The following FGF13 variants were observed in gnomAD, a reference collection of about 807,000 sequenced individuals.
FGF13 encodes fibroblast growth factor homologous factor 2.
FGF13 carries 2 observed loss-of-function variants against 19.5 expected under a neutral mutation model. The observed-to-expected ratio is 0.10, with a 90% CI of 0.04 to 0.32. The LOEUF (loss-of-function observed/expected upper bound fraction) is 0.32. Ranked by LOEUF, FGF13 falls within the 10% of genes least tolerant of loss-of-function variation. The pLI, the probability that FGF13 is intolerant of heterozygous loss-of-function variation, is 1.00. For synonymous variants in FGF13, 72 were observed against 76.9 expected (o/e 0.94, Z 0.33); for missense variants, 113 against 192.7 (o/e 0.59, Z 2.45).
At chrX:138,691,191 A>G (rs943949801) in intron 3 of FGF13, among the ~76,000 whole-genome samples, 3 of 111,731 alleles carry the variant, frequency 2.7e-5, no homozygotes, top group African/African-American at 6.5e-5. Context: ...CATAGGCTCT[A>G]TCTTCCTCAG....
intron 1 of FGF13, among the ~76,000 whole-genome samples, chrX:138,987,481 TTTAA>T (rs2091998892): frequency 1.8e-5 from 2 of 112,087 alleles, no homozygotes; most frequent in South Asian, 7.4e-4. Flanking sequence ...CTTAAATTCA[TTTAA>T]TTAAATTTTA....
intron 1 of FGF13, among the ~76,000 whole-genome samples, chrX:139,121,405 G>A (rs1429274799): frequency 9.1e-6 from 1 of 110,396 alleles, no homozygotes; most frequent in Non-Finnish European, 1.9e-5. Flanking sequence ...ATGTTTAATG[G>A]TACCAAATAT....
chrX:139,069,564 G>A (rs1440217260), intron 1 of FGF13, among the ~76,000 whole-genome samples: 1 of 103,212 alleles, frequency 9.7e-6, no homozygotes, highest in Non-Finnish European at 2.0e-5. Context: ...GTATACATAG[G>A]TAACTAACCT....
intron 1 of FGF13, among the ~76,000 whole-genome samples, chrX:138,873,164 G>C (rs753247967): frequency 3.6e-5 from 4 of 111,369 alleles, no homozygotes; most frequent in African/African-American, 9.8e-5. Context: ...AGCTTTGCTG[G>C]CCAATTTGGC....
intron 3 of FGF13, among the ~76,000 whole-genome samples, chrX:138,752,379 T>C (rs907557181): frequency 9.0e-6 from 1 of 110,770 alleles, no homozygotes; most frequent in African/African-American, 3.3e-5. Flanking sequence ...TGAGCCAAGA[T>C]TGTGCCACTG....
intron 1 of FGF13, among the ~76,000 whole-genome samples, chrX:139,179,155 A>T (rs1477153323): frequency 8.9e-6 from 1 of 111,799 alleles, no homozygotes; most frequent in Non-Finnish European, 1.9e-5. Context: ...ACTGCCTATT[A>T]CTTTTAATGG....
rs1370724894 is a variant in FGF13, at chrX:138,711,627, C to T, written c.-624G>A. 6 of 753,626 alleles carry T rather than the reference C, an allele frequency of 8.0e-6. No individual in the cohort carries two copies. The highest frequency in any genetic ancestry group is 2.3e-5 in the African/African-American group (1 of 43,609). 62.1% of individuals were successfully genotyped at this position (753,626 alleles called of 1,213,427 possible). A position where few individuals can be genotyped will look rare whatever the true frequency, so the allele number is the denominator to read the frequency against. ...CGACAGGGATCAAACAGGTAATGGCCTCGCATCTTCGCTGTTGCTGCTGCT... is the reference window on the plus strand; with the variant it reads ...CGACAGGGATCAAACAGGTAATGGCTTCGCATCTTCGCTGTTGCTGCTGCT... On this transcript the variant is annotated 5_prime_UTR_variant, in exon 1 of 5. Transcript: ENST00000315930.
Position 138,626,981 on chromosome X carries a change from C to T in FGF13, c.*5869G>A, listed in dbSNP as rs1392004670. On this transcript the variant is annotated 3_prime_UTR_variant, in exon 5 of 5. Transcript: ENST00000315930. ...AAGAAAATAACACTTGGATGGTAAT[C>T]ATCCAGTTTGTCCCAGGGTATTAGT... 8.9e-6 allele frequency: 1 copy of T among 111,844 alleles called. No individual in the cohort carries two copies. Among genetic ancestry groups the T allele is most frequent in the Non-Finnish European group, 1.9e-5 (1 of 53,183 alleles). The allele number at this position is 111,844 out of a possible 1,213,427, so 9.2% of individuals were successfully genotyped here.
chrX:139,198,397 G>A, intron 1 of FGF13, among the ~76,000 whole-genome samples: 1 of 111,266 alleles, frequency 9.0e-6, no homozygotes, highest in Non-Finnish European at 1.9e-5. Context: ...TGATGTCTCT[G>A]CAGGCAGGCC....
At chrX:138,973,308 G>C (rs613697) in intron 1 of FGF13, among the ~76,000 whole-genome samples, 5,626 of 111,786 alleles carry the variant, frequency 0.05, 149 homozygotes, top group East Asian at 0.17. Flanking sequence ...ACAATTTCCA[G>C]AGCTTCTCCT....
intron 1 of FGF13, among the ~76,000 whole-genome samples, chrX:138,727,912 G>T (rs1484171177): frequency 9.0e-6 from 1 of 111,312 alleles, no homozygotes; most frequent in Admixed American, 9.5e-5. Flanking sequence ...AGTTCAAAAG[G>T]TTGTAACAAT....
At chrX:138,770,317 C>A (rs764136799) in intron 3 of FGF13, among the ~76,000 whole-genome samples, 16 of 111,175 alleles carry the variant, frequency 1.4e-4, no homozygotes, top group Non-Finnish European at 3.8e-5. Context: ...TTGCCACACC[C>A]TCAGCCCCCC....
intron 1 of FGF13, among the ~76,000 whole-genome samples, chrX:138,932,455 T>G (rs1476417304): frequency 9.6e-6 from 1 of 104,404 alleles, no homozygotes; most frequent in African/African-American, 3.5e-5. Flanking sequence ...GGCACACGCC[T>G]GTAATCCCAG....
At chrX:138,913,694 AAGGAAGGAAG>A (rs1201515046) in intron 1 of FGF13, among the ~76,000 whole-genome samples, 1 of 104,621 alleles carries the variant, frequency 9.6e-6, no homozygotes, top group Non-Finnish European at 1.9e-5. Flanking sequence ...GGAAGGAAGG[AAGGAAGGAAG>A]GAAAGAAAAC....
chrX:139,020,608 T>C (rs970917114), intron 1 of FGF13, among the ~76,000 whole-genome samples: 1 of 111,552 alleles, frequency 9.0e-6, no homozygotes, highest in Non-Finnish European at 1.9e-5. Context: ...AGATCAATGA[T>C]CAGCTTAAAT....
intron 1 of FGF13, among the ~76,000 whole-genome samples, chrX:138,718,916 A>G (rs1453067775): frequency 8.9e-6 from 1 of 112,528 alleles, no homozygotes; most frequent in African/African-American, 3.2e-5. Flanking sequence ...GTTAAGTGCT[A>G]TAACCTTAAT....
At chrX:139,202,518 G>C (rs778867625) in intron 1 of FGF13, among the ~76,000 whole-genome samples, 8 of 111,675 alleles carry the variant, frequency 7.2e-5, no homozygotes, top group African/African-American at 2.6e-4. Flanking sequence ...GAGCCAGACC[G>C]GGGGCAACAA....
chrX:139,110,180 TATAA>T lies in FGF13; in HGVS notation c.-113+93232_-113+93235del, dbSNP rs1398868467. 4.5e-4 allele frequency among the ~76,000 whole-genome samples: 50 copies of T among 110,399 alleles called. 1 individual carries two copies. Among genetic ancestry groups the T allele is most frequent in the African/African-American group, 1.5e-3 (47 of 30,440 alleles). ...ATTTATGTATTTTATATTCGTATACTATAAATAGATGTGTACATGCATCTTATGT... is the reference window on the plus strand; with the variant it reads ...ATTTATGTATTTTATATTCGTATACTATAGATGTGTACATGCATCTTATGT... On this transcript the variant is annotated intron_variant, in intron 1 of 2. Coordinates refer to the FGF13 transcript ENST00000421460.
At chrX:138,741,112 T>C (rs1489604918), upstream of FGF13, among the ~76,000 whole-genome samples, 1 of 112,334 alleles carries the variant, frequency 8.9e-6, no homozygotes, top group Non-Finnish European at 1.9e-5. Flanking sequence ...ACAGGAGAGG[T>C]GCCAACTTCC....
Sources: gnomAD v4.1 joint callset for allele counts (sites outside exome capture counted in the v4.1 genomes callset) on GRCh38, gnomAD v4.1.1 for gene constraint, MANE v1.5 for transcripts, NCBI Gene and HGNC (gene_info 2026-07-23, HGNC 2026-07-21) for gene names.